The following RBFOX1 variants were observed in gnomAD, a reference collection of about 807,000 sequenced individuals.
RBFOX1 encodes RNA binding protein fox-1 homolog 1.
RBFOX1 carries 8 observed loss-of-function variants against 57.7 expected under a neutral mutation model. The observed-to-expected ratio is 0.14, with a 90% CI of 0.08 to 0.25. RBFOX1 has a LOEUF of 0.25. Among genes scored for constraint, RBFOX1 ranks in the 10% least tolerant of loss-of-function variants. The pLI is 1.00. For synonymous variants in RBFOX1, 326 were observed against 222.4 expected, an observed-to-expected ratio of 1.47 and a Z score of -4.15; for missense variants, 611 against 548.5, an observed-to-expected ratio of 1.11 and a Z score of -1.14.
chr16:6,459,984 C>CAAAAAA lies in RBFOX1; in HGVS notation c.-64+142966_-64+142971dup. Among the ~76,000 whole-genome samples, 224 of 47,674 alleles carry CAAAAAA rather than the reference C, an allele frequency of 4.7e-3. 34 individuals carry two copies. The highest frequency in any genetic ancestry group is 6.5e-3 in the Admixed American group (16 of 2,456). 31.3% of individuals were successfully genotyped at this position (47,674 alleles called of 152,430 possible). ...GGGCAACAAGAGTGAAACTCCATCT[C>CAAAAAA]AAAAAAAAAAAAAAAAAAAAAAAAA... On this transcript the variant is annotated intron_variant, in intron 2 of 15. Coordinates refer to ENST00000550418, the MANE Select transcript of RBFOX1 (RefSeq NM_018723.4).
At chr16:5,435,799 G>C (rs1292051673) in intron 1 of RBFOX1, among the ~76,000 whole-genome samples, 2 of 152,190 alleles carry the variant, frequency 1.3e-5, no homozygotes, top group African/African-American at 2.4e-5. Context: ...TAATTTTTAA[G>C]ATCACATAGC....
intron 4 of RBFOX1, among the ~76,000 whole-genome samples, chr16:7,289,921 TATC>T (rs1445006925): frequency 6.6e-6 from 1 of 152,194 alleles, no homozygotes; most frequent in Non-Finnish European, 1.5e-5. Context: ...CCCTAGTCCT[TATC>T]ATCCATTTCG....
chr16:7,674,018 C>A (rs536870510), intron 13 of RBFOX1, among the ~76,000 whole-genome samples: 3 of 152,022 alleles, frequency 2.0e-5, no homozygotes, highest in African/African-American at 7.2e-5. Context: ...AAATACAGAG[C>A]GATAAAATTG....
At chr16:7,483,035 G>A (rs565385604) in intron 4 of RBFOX1, among the ~76,000 whole-genome samples, 1 of 152,246 alleles carries the variant, frequency 6.6e-6, no homozygotes, top group Non-Finnish European at 1.5e-5. Flanking sequence ...CCTCAGCCTG[G>A]AACACCGTGG....
chr16:7,185,174 T>G (rs1040290313), intron 4 of RBFOX1, among the ~76,000 whole-genome samples: 2 of 149,994 alleles, frequency 1.3e-5, no homozygotes, highest in African/African-American at 5.0e-5. Context: ...GAATAAGTGC[T>G]TGATAAATTT....
Position 7,273,341 on chromosome 16 carries a change from G to T in RBFOX1, c.27+221243G>T, listed in dbSNP as rs966838029. Among the ~76,000 whole-genome samples, 9 of 151,150 alleles carry T rather than the reference G, an allele frequency of 6.0e-5. No individual in the cohort carries two copies. The East Asian group carries it at 9.8e-4, about 16-fold the overall frequency. On this transcript the variant is annotated intron_variant, in intron 4 of 15. Transcript: ENST00000550418. The stretch of plus-strand genomic sequence containing the variant: ...ACAGCACTCTCTGCTGTGTCTTTAG[G>T]ATGCTTGTTTCCTGCATGCTGACCA...
intron 3 of RBFOX1, among the ~76,000 whole-genome samples, chr16:5,767,632 C>T (rs1445656342): frequency 6.6e-6 from 1 of 151,920 alleles, no homozygotes; most frequent in Non-Finnish European, 1.5e-5. Context: ...ACGGGATTTG[C>T]CAGGACATTC....
intron 3 of RBFOX1, among the ~76,000 whole-genome samples, chr16:5,864,730 C>T (rs1483214989): frequency 6.6e-6 from 1 of 152,056 alleles, no homozygotes; most frequent in Non-Finnish European, 1.5e-5. Flanking sequence ...AACTGGAAGT[C>T]CAACAGCCAC....
At chr16:5,564,020 T>A (rs568400788) in intron 2 of RBFOX1, among the ~76,000 whole-genome samples, 26 of 151,974 alleles carry the variant, frequency 1.7e-4, no homozygotes, top group Non-Finnish European at 2.4e-4. Context: ...TTTTAAAAAA[T>A]TTTTTTATTT....
chr16:6,638,804 G>A (rs1011465565), intron 2 of RBFOX1, among the ~76,000 whole-genome samples: 2 of 152,140 alleles, frequency 1.3e-5, no homozygotes, highest in African/African-American at 4.8e-5. Flanking sequence ...TTGGGTGATG[G>A]CCACCATTTT....
chr16:7,079,272 C>A (rs2058792796), intron 4 of RBFOX1, among the ~76,000 whole-genome samples: 1 of 152,136 alleles, frequency 6.6e-6, no homozygotes, highest in Admixed American at 6.5e-5. Context: ...TCTGCCCCAA[C>A]TGGAGCTTGC....
chr16:6,031,411 T>A (rs1464903713), intron 1 of RBFOX1, among the ~76,000 whole-genome samples: 2 of 152,170 alleles, frequency 1.3e-5, no homozygotes, highest in Non-Finnish European at 2.9e-5. Context: ...CCTGTGTTAT[T>A]TTTGAGATGG....
intron 3 of RBFOX1, among the ~76,000 whole-genome samples, chr16:5,754,433 G>C (rs35569658): frequency 0.23 from 34,402 of 151,286 alleles, 4,369 homozygotes; most frequent in East Asian, 0.43. Flanking sequence ...TTTCTCGTAA[G>C]GTGGGACGAG....
intron 14 of RBFOX1, among the ~76,000 whole-genome samples, chr16:7,702,750 T>C (rs1212226051): frequency 2.6e-5 from 4 of 152,194 alleles, no homozygotes; most frequent in African/African-American, 9.7e-5. Context: ...GAATGTATGT[T>C]CCAGATGCAG....
At chr16:7,364,957 C>T (rs1596515428) in intron 4 of RBFOX1, among the ~76,000 whole-genome samples, 1 of 152,192 alleles carries the variant, frequency 6.6e-6, no homozygotes, top group African/African-American at 2.4e-5. Flanking sequence ...ACTGTTGATA[C>T]ATTCTTGAGA....
intron 4 of RBFOX1, among the ~76,000 whole-genome samples, chr16:5,973,761 T>A (rs1283885682): frequency 6.6e-6 from 1 of 152,246 alleles, no homozygotes; most frequent in Non-Finnish European, 1.5e-5. Context: ...CATTCAATTG[T>A]TTCTTTGTTC....
chr16:5,609,725 A>T (rs1422239244), intron 3 of RBFOX1, among the ~76,000 whole-genome samples: 1 of 152,118 alleles, frequency 6.6e-6, no homozygotes, highest in Non-Finnish European at 1.5e-5. Context: ...TCCTTTACAC[A>T]TGCTGTTCCC....
rs555816318 is a variant in RBFOX1, at chr16:6,896,251, A to G, written c.-15-155806A>G. 2.6e-5 allele frequency among the ~76,000 whole-genome samples: 4 copies of G among 152,192 alleles called. No homozygotes were observed. The South Asian group carries it at 8.3e-4, about 32-fold the overall frequency. On this transcript the variant is annotated intron_variant, in intron 3 of 15. Coordinates refer to ENST00000550418, the MANE Select transcript of RBFOX1 (RefSeq NM_018723.4). Reference sequence around the variant, plus strand: ...TCATGCCACTGCACTGTGCAGTTTGAGACTGTCTCAAAACAAAACATAAAA... The same window carrying G: ...TCATGCCACTGCACTGTGCAGTTTGGGACTGTCTCAAAACAAAACATAAAA...
At chr16:6,927,764 A>G (rs1479405750) in intron 3 of RBFOX1, among the ~76,000 whole-genome samples, 2 of 152,058 alleles carry the variant, frequency 1.3e-5, no homozygotes, top group African/African-American at 2.4e-5. Context: ...TAAAATCTCC[A>G]ATCATTGTTT....
Sources: allele counts gnomAD v4.1 joint callset (sites outside exome capture counted in the v4.1 genomes callset), GRCh38; gene constraint gnomAD v4.1.1; transcripts MANE v1.5; gene names NCBI Gene and HGNC (gene_info 2026-07-23, HGNC 2026-07-21).